The following CPED1 variants were observed in gnomAD, a reference collection of about 807,000 sequenced individuals.
CPED1 encodes the protein cadherin-like and PC-esterase domain-containing protein 1.
Under a neutral mutation model 128.2 loss-of-function variants are expected in CPED1, and 114 were observed. The observed-to-expected ratio is 0.89, with a 90% CI of 0.76 to 1.04. CPED1 has a LOEUF of 1.04. Among genes scored for constraint, CPED1 ranks in the 50% least tolerant of loss-of-function variants. CPED1 has a pLI of 0.00. For synonymous variants in CPED1, 462 were observed against 426.7 expected, an observed-to-expected ratio of 1.08 and a Z score of -1.02; for missense variants, 1,211 against 1,207.1, an observed-to-expected ratio of 1.00 and a Z score of -0.05.
At chr7:121,097,284 A>G (rs1056155094) in intron 5 of CPED1, among the ~76,000 whole-genome samples, 5 of 152,124 alleles carry the variant, frequency 3.3e-5, no homozygotes, top group African/African-American at 1.2e-4. Flanking sequence ...GTATATCAGC[A>G]TTGTATTGTC....
intron 3 of CPED1, among the ~76,000 whole-genome samples, chr7:121,028,628 G>A (rs914937368): frequency 3.3e-5 from 5 of 152,226 alleles, no homozygotes; most frequent in East Asian, 1.9e-4. Flanking sequence ...ATATGAACAC[G>A]TTTTATTGCA....
At chr7:121,119,836 C>T (rs1795344974) in intron 7 of CPED1, among the ~76,000 whole-genome samples, 1 of 152,030 alleles carries the variant, frequency 6.6e-6, no homozygotes, top group African/African-American at 2.4e-5. Flanking sequence ...CACCTCCTCC[C>T]AGCCCCCAGC....
At chr7:121,248,820 G>A (rs1798600608) in intron 18 of CPED1, among the ~76,000 whole-genome samples, 1 of 152,086 alleles carries the variant, frequency 6.6e-6, no homozygotes, top group Admixed American at 6.6e-5. Context: ...TCTCAGCCAT[G>A]TTTCTTAATC....
intron 12 of CPED1, among the ~76,000 whole-genome samples, chr7:121,131,975 T>A (rs75349100): frequency 2.6e-5 from 4 of 151,176 alleles, no homozygotes; most frequent in African/African-American, 4.9e-5. Context: ...TTTTTTTTTT[T>A]AATGGGAAAA....
intron 16 of CPED1, among the ~76,000 whole-genome samples, chr7:121,201,577 C>A (rs1175804478): frequency 6.6e-6 from 1 of 151,900 alleles, no homozygotes; most frequent in East Asian, 1.9e-4. Flanking sequence ...GAGAGGAATG[C>A]CCAGAAAATT....
At chr7:120,996,722 A>AT (rs777597878) in intron 2 of CPED1, among the ~76,000 whole-genome samples, 13 of 152,158 alleles carry the variant, frequency 8.5e-5, no homozygotes, top group Non-Finnish European at 1.5e-4. Context: ...ATTAATTCAG[A>AT]TAAGAGTTCA....
chr7:121,081,746 T>C (rs1156291265), intron 5 of CPED1, among the ~76,000 whole-genome samples: 1 of 152,190 alleles, frequency 6.6e-6, no homozygotes, highest in Non-Finnish European at 1.5e-5. Flanking sequence ...TACTCGCTTT[T>C]GGCTTGTTGT....
chr7:121,200,086 A>G (rs1797362034), intron 16 of CPED1, among the ~76,000 whole-genome samples: 1 of 152,120 alleles, frequency 6.6e-6, no homozygotes, highest in Non-Finnish European at 1.5e-5. Flanking sequence ...AATTCTGGGT[A>G]TTTAAAAAGC....
intron 3 of CPED1, among the ~76,000 whole-genome samples, chr7:121,030,201 C>T (rs751811656): frequency 7.9e-5 from 12 of 151,984 alleles, no homozygotes; most frequent in East Asian, 5.8e-4. Context: ...ACTCTTTTAC[C>T]TCCTGCCTCT....
intron 16 of CPED1, among the ~76,000 whole-genome samples, chr7:121,225,070 G>A (rs1258062077): frequency 1.3e-5 from 2 of 152,006 alleles, no homozygotes; most frequent in African/African-American, 4.8e-5. Flanking sequence ...TCATAGCATC[G>A]ATGGTCTTTA....
intron 16 of CPED1, among the ~76,000 whole-genome samples, chr7:121,152,491 T>A (rs1356322102): frequency 1.3e-5 from 2 of 152,208 alleles, no homozygotes; most frequent in Non-Finnish European, 2.9e-5. Context: ...CAGTCACAGC[T>A]CAACCCTTAC....
chr7:121,274,156 T>A (rs1405459292), intron 22 of CPED1, among the ~76,000 whole-genome samples: 2 of 152,168 alleles, frequency 1.3e-5, no homozygotes, highest in African/African-American at 4.8e-5. Context: ...AATTTCAACA[T>A]GGCTCCAATT....
At chr7:121,278,137 TA>T (rs1240050912) in intron 22 of CPED1, among the ~76,000 whole-genome samples, 5 of 152,122 alleles carry the variant, frequency 3.3e-5, no homozygotes, top group African/African-American at 7.2e-5. Context: ...GGGCTCATAA[TA>T]GCTTTCAACA....
intron 8 of CPED1, 100 bp from the exon 9 acceptor site, chr7:121,125,720 A>T: frequency 1.3e-6 from 1 of 783,330 alleles, no homozygotes; most frequent in Non-Finnish European, 2.2e-6. Flanking sequence ...ATTAATGGGC[A>T]TTTGGGTTGG....
intron 16 of CPED1, among the ~76,000 whole-genome samples, chr7:121,204,348 G>T (rs1797470670): frequency 6.6e-6 from 1 of 152,024 alleles, no homozygotes; most frequent in Non-Finnish European, 1.5e-5. Flanking sequence ...GGATACTGAA[G>T]GAAAACATCT....
At chr7:121,255,177 C>T (rs961389275) in intron 18 of CPED1, among the ~76,000 whole-genome samples, 2 of 151,888 alleles carry the variant, frequency 1.3e-5, no homozygotes, top group African/African-American at 2.4e-5. Flanking sequence ...ACTAGCAAAC[C>T]GAATTCAGCA....
intron 16 of CPED1, among the ~76,000 whole-genome samples, chr7:121,195,323 C>G (rs1054436687): frequency 6.6e-6 from 1 of 152,006 alleles, no homozygotes; most frequent in Non-Finnish European, 1.5e-5. Flanking sequence ...TTGCTTTATT[C>G]TTTCCATAGT....
chr7:121,069,132 T>C (rs535625927), intron 5 of CPED1, among the ~76,000 whole-genome samples: 1 of 152,194 alleles, frequency 6.6e-6, no homozygotes, highest in African/African-American at 2.4e-5. Flanking sequence ...AAAAGCTAGT[T>C]CAGAACAAAT....
At chr7:121,229,738 A>C (rs557685313) in intron 16 of CPED1, among the ~76,000 whole-genome samples, 126 of 152,172 alleles carry the variant, frequency 8.3e-4, no homozygotes, top group African/African-American at 3.0e-3. Context: ...ATATTTGTGC[A>C]TCTTATACTA....
Sources: allele counts gnomAD v4.1 joint callset (sites outside exome capture counted in the v4.1 genomes callset), GRCh38; gene constraint gnomAD v4.1.1; transcripts MANE v1.5; gene names NCBI Gene and HGNC (gene_info 2026-07-23, HGNC 2026-07-21).